The following SNX29 variants were observed in gnomAD, a reference collection of about 807,000 sequenced individuals.
SNX29 encodes the protein sorting nexin-29.
Under a neutral mutation model 102.1 loss-of-function variants are expected in SNX29, and 78 were observed. The ratio of observed to expected loss-of-function variants is 0.76; its 90% CI spans 0.64 to 0.92. The LOEUF (loss-of-function observed/expected upper bound fraction) is 0.92, where lower values mean the gene tolerates loss of function less well. SNX29 is among the 40% of genes least tolerant of loss of function. SNX29 has a pLI of 0.00. For missense variants in SNX29, 1,280 were observed against 1,061.7 expected (o/e 1.21, Z -2.86); for synonymous variants, 580 against 414.5 (o/e 1.40, Z -4.85).
At chr16:12,533,073 C>T (rs1235429915) in intron 20 of SNX29, among the ~76,000 whole-genome samples, 1 of 152,230 alleles carries the variant, frequency 6.6e-6, no homozygotes, top group Non-Finnish European at 1.5e-5. Flanking sequence ...CTTTGCAAGC[C>T]ACAGCCCACA....
chr16:12,310,261 G>A (rs1015893812), intron 15 of SNX29, among the ~76,000 whole-genome samples: 1 of 152,206 alleles, frequency 6.6e-6, no homozygotes, highest in Admixed American at 6.5e-5. Flanking sequence ...CTGAAAAAAG[G>A]ATGTAACAAT....
At chr16:12,004,990 C>T (rs982361446) in intron 3 of SNX29, among the ~76,000 whole-genome samples, 1 of 152,182 alleles carries the variant, frequency 6.6e-6, no homozygotes, top group African/African-American at 2.4e-5. Flanking sequence ...AGAAGGTGCT[C>T]AGTAAAAATT....
At chr16:12,567,154 A>G (rs1406663247) in intron 20 of SNX29, among the ~76,000 whole-genome samples, 1 of 152,238 alleles carries the variant, frequency 6.6e-6, no homozygotes, top group Non-Finnish European at 1.5e-5. Flanking sequence ...GCTTGGATAC[A>G]GCTGGGGGTG....
intron 14 of SNX29, among the ~76,000 whole-genome samples, chr16:12,220,991 G>A (rs983468764): frequency 4.6e-5 from 7 of 152,196 alleles, no homozygotes; most frequent in South Asian, 2.1e-4. Context: ...CATTAAGTAC[G>A]TCTTTATTAC....
At chr16:12,565,039 A>C (rs201442558) in intron 20 of SNX29, among the ~76,000 whole-genome samples, 3 of 151,928 alleles carry the variant, frequency 2.0e-5, no homozygotes, top group Non-Finnish European at 2.9e-5. Context: ...TGAGCCTGGC[A>C]CTGGCTTCAT....
rs140898538 is a variant in SNX29, at chr16:12,439,771, T to G, written c.2037+36242T>G. Among the ~76,000 whole-genome samples, 11 of 152,324 alleles carry G rather than the reference T, an allele frequency of 7.2e-5. No homozygotes were observed. In the South Asian group the frequency reaches 1.2e-3, roughly 17 times the overall value. ...GCCATGTGACCTTGGTACACTTACT[T>G]TGCCTCTCTGAGACTCAGTTTCCCA... On this transcript the variant is annotated intron_variant, in intron 18 of 20. Transcript: ENST00000566228.
intron 20 of SNX29, among the ~76,000 whole-genome samples, chr16:12,563,498 G>A (rs139414309): frequency 1.4e-3 from 211 of 152,280 alleles, no homozygotes; most frequent in Non-Finnish European, 2.4e-3. Flanking sequence ...CTATTAAAAC[G>A]GGGAGACTCC....
chr16:12,362,477 T>C (rs543143242), intron 16 of SNX29, among the ~76,000 whole-genome samples: 2 of 150,306 alleles, frequency 1.3e-5, no homozygotes, highest in South Asian at 4.2e-4. Context: ...CAACAACGCG[T>C]TGGGCATCCA....
At chr16:12,311,494 C>T (rs2080545159) in intron 15 of SNX29, among the ~76,000 whole-genome samples, 1 of 152,230 alleles carries the variant, frequency 6.6e-6, no homozygotes, top group South Asian at 2.1e-4. Context: ...ATGCTGGCCG[C>T]CTCCCATTTC....
chr16:12,461,503 C>G (rs554136143), intron 18 of SNX29, among the ~76,000 whole-genome samples: 41 of 152,164 alleles, frequency 2.7e-4, no homozygotes, highest in Non-Finnish European at 5.3e-4. Flanking sequence ...TCTTAAAACT[C>G]GTCTCCTCTA....
intron 14 of SNX29, among the ~76,000 whole-genome samples, chr16:12,236,185 G>C (rs941021932): frequency 3.3e-5 from 5 of 152,056 alleles, no homozygotes; most frequent in African/African-American, 9.7e-5. Flanking sequence ...CCCATCCACT[G>C]TTGCCCCAAC....
At chr16:12,076,951 AG>A (rs2051602960) in intron 10 of SNX29, among the ~76,000 whole-genome samples, 1 of 152,120 alleles carries the variant, frequency 6.6e-6, no homozygotes, top group Admixed American at 6.5e-5. Context: ...AGACCCTTCC[AG>A]GGGGTGGAGT....
At chr16:12,033,832 A>G (rs1481770541) in intron 4 of SNX29, among the ~76,000 whole-genome samples, 1 of 151,596 alleles carries the variant, frequency 6.6e-6, no homozygotes, top group Non-Finnish European at 1.5e-5. Flanking sequence ...GTCTCGAACT[A>G]CTGACTTCAG....
chr16:12,398,846 C>G (rs1026543563), intron 17 of SNX29, among the ~76,000 whole-genome samples: 1 of 145,292 alleles, frequency 6.9e-6, no homozygotes, highest in Middle Eastern at 3.7e-3. Flanking sequence ...AAGCTATCCC[C>G]TTTGCACAGG....
intron 20 of SNX29, among the ~76,000 whole-genome samples, chr16:12,544,277 C>T (rs3975365): frequency 6.6e-6 from 1 of 152,126 alleles, no homozygotes; most frequent in Admixed American, 6.5e-5. Flanking sequence ...GGACTTTACA[C>T]TCTCAGTACG....
At chr16:12,391,944 A>G (rs1415245342) in intron 16 of SNX29, among the ~76,000 whole-genome samples, 1 of 152,250 alleles carries the variant, frequency 6.6e-6, no homozygotes, top group Non-Finnish European at 1.5e-5. Flanking sequence ...TACAAGGTGT[A>G]AAGTTTTACA....
At chr16:12,372,074 T>C (rs867750727) in intron 16 of SNX29, among the ~76,000 whole-genome samples, 32 of 152,266 alleles carry the variant, frequency 2.1e-4, no homozygotes, top group African/African-American at 7.7e-4. Flanking sequence ...GCGATCCTGC[T>C]GTGAAGCGTT....
chr16:12,538,124 TTTTA>T (rs1482833585), intron 20 of SNX29, among the ~76,000 whole-genome samples: 2 of 152,194 alleles, frequency 1.3e-5, no homozygotes, highest in African/African-American at 2.4e-5. Flanking sequence ...CCTTGCATTT[TTTTA>T]TTTTTGAGAC....
At chr16:12,200,557 A>G (rs1327045527) in intron 14 of SNX29, among the ~76,000 whole-genome samples, 1 of 151,770 alleles carries the variant, frequency 6.6e-6, no homozygotes, top group African/African-American at 2.4e-5. Flanking sequence ...ATCTTGGCTC[A>G]CTGCAACTTC....
Sources: allele counts gnomAD v4.1 joint callset (sites outside exome capture counted in the v4.1 genomes callset), GRCh38; gene constraint gnomAD v4.1.1; transcripts MANE v1.5; gene names NCBI Gene and HGNC (gene_info 2026-07-23, HGNC 2026-07-21).